Variants in CSMD1 observed in about 807,000 individuals in gnomAD.
CSMD1 encodes the protein CUB and sushi domain-containing protein 1.
In CSMD1, 213 loss-of-function variants were observed where a neutral mutation model predicts 417.5. The observed-to-expected ratio is 0.51, with a 90% CI of 0.46 to 0.57. The LOEUF (loss-of-function observed/expected upper bound fraction) is 0.57. CSMD1 is among the 20% of genes least tolerant of loss of function. The pLI is 0.00. For missense variants in CSMD1, 6,923 were observed against 4,529.7 expected (o/e 1.53, Z -15.17); for synonymous variants, 2,862 against 1,736.8 (o/e 1.65, Z -16.11).
intron 26 of CSMD1, among the ~76,000 whole-genome samples, chr8:3,274,520 C>T (rs10098276): frequency 0.27 from 41,610 of 151,856 alleles, 5,889 homozygotes; most frequent in Non-Finnish European, 0.31. Context: ...CTAAAGTTGA[C>T]AGTGGGGTGT....
chr8:3,710,037 C>T (rs566687119), intron 6 of CSMD1, among the ~76,000 whole-genome samples: 3 of 152,082 alleles, frequency 2.0e-5, no homozygotes, highest in African/African-American at 7.2e-5. Context: ...CCACTCTTGA[C>T]CAGATGCCTT....
chr8:3,622,718 T>C (rs1038118351), intron 7 of CSMD1, among the ~76,000 whole-genome samples: 6 of 152,200 alleles, frequency 3.9e-5, no homozygotes, highest in African/African-American at 1.4e-4. Flanking sequence ...TTTCGTGTGA[T>C]AAACAGTCAG....
intron 25 of CSMD1, among the ~76,000 whole-genome samples, chr8:3,303,385 G>C (rs1243035438): frequency 5.9e-5 from 9 of 152,148 alleles, no homozygotes; most frequent in Admixed American, 5.9e-4. Flanking sequence ...GAAAATCCAG[G>C]TCAGGACAGC....
intron 1 of CSMD1, among the ~76,000 whole-genome samples, chr8:4,661,641 G>A (rs951991459): frequency 6.6e-6 from 1 of 152,142 alleles, no homozygotes; most frequent in Non-Finnish European, 1.5e-5. Context: ...AGGGGAAACT[G>A]AGCAATAGAT....
intron 1 of CSMD1, among the ~76,000 whole-genome samples, chr8:4,812,844 T>C (rs1446158231): frequency 1.3e-5 from 2 of 152,228 alleles, no homozygotes; most frequent in African/African-American, 4.8e-5. Flanking sequence ...AGGGAATCTA[T>C]TGTTATTGAT....
intron 5 of CSMD1, among the ~76,000 whole-genome samples, chr8:3,914,648 C>A (rs975080150): frequency 6.6e-6 from 1 of 152,090 alleles, no homozygotes; most frequent in Non-Finnish European, 1.5e-5. Flanking sequence ...CAGATCTCCA[C>A]CTAGTCCACG....
intron 23 of CSMD1, among the ~76,000 whole-genome samples, chr8:3,338,594 G>C (rs768935892): frequency 2.0e-5 from 3 of 152,160 alleles, no homozygotes; most frequent in Non-Finnish European, 4.4e-5. Context: ...GTTGCCAAGT[G>C]CCTGGGCTCA....
In CSMD1 at chr8:3,289,396, C is replaced by T. The variant is rs542603227; in HGVS notation, c.3951-5050G>A. Among the ~76,000 whole-genome samples, 34 of 146,814 alleles carry T rather than the reference C, an allele frequency of 2.3e-4. 3 individuals are homozygous for T. The highest frequency in any genetic ancestry group is 3.0e-4 in the African/African-American group (11 of 36,786). On this transcript the variant is annotated intron_variant, in intron 25 of 69. Coordinates refer to ENST00000635120, the MANE Select transcript of CSMD1 (RefSeq NM_033225.6). ...TTCTAGTTCTAGATCCCTGAGGAAT[C>T]GCCACACTGACTTCACAATGGTTGA...
At chr8:4,054,911 C>T (rs1020265153) in intron 3 of CSMD1, among the ~76,000 whole-genome samples, 4 of 152,094 alleles carry the variant, frequency 2.6e-5, no homozygotes, top group African/African-American at 9.7e-5. Flanking sequence ...GCCCTGAGCT[C>T]TGGGGTTTCT....
At chr8:4,031,800 C>A (rs1227169092) in intron 4 of CSMD1, 105 bp downstream of exon 4, 16 of 836,850 alleles carry the variant, frequency 1.9e-5, no homozygotes, top group Non-Finnish European at 2.8e-5. Context: ...TAAGAGTCAG[C>A]TCAACATGTA....
intron 3 of CSMD1, among the ~76,000 whole-genome samples, chr8:4,366,961 G>A (rs960321942): frequency 6.6e-5 from 10 of 151,974 alleles, no homozygotes; most frequent in African/African-American, 4.8e-5. Context: ...TGTTGGATGT[G>A]TACTCTGCAA....
intron 2 of CSMD1, among the ~76,000 whole-genome samples, chr8:4,492,898 G>T (rs1585161654): frequency 6.6e-6 from 1 of 152,216 alleles, no homozygotes; most frequent in African/African-American, 2.4e-5. Flanking sequence ...ACATGGGCCT[G>T]TGCTATCAAT....
intron 1 of CSMD1, among the ~76,000 whole-genome samples, chr8:4,849,182 T>C (rs910363826): frequency 1.3e-5 from 2 of 151,874 alleles, no homozygotes; most frequent in Admixed American, 6.6e-5. Flanking sequence ...AAAAGTAAAA[T>C]AAAACAAAAT....
chr8:4,514,073 T>TTTA (rs1196616055), intron 2 of CSMD1, among the ~76,000 whole-genome samples: 1 of 152,030 alleles, frequency 6.6e-6, no homozygotes, highest in Non-Finnish European at 1.5e-5. Flanking sequence ...AAATTTTTAT[T>TTTA]TTATTATTAT....
At chr8:4,478,508 A>T (rs1344711618) in intron 2 of CSMD1, among the ~76,000 whole-genome samples, 1 of 152,202 alleles carries the variant, frequency 6.6e-6, no homozygotes, top group Non-Finnish European at 1.5e-5. Context: ...CTGAAAGTAG[A>T]TGTATAAATC....
chr8:4,001,163 C>T (rs1815642032), intron 4 of CSMD1, among the ~76,000 whole-genome samples: 1 of 152,114 alleles, frequency 6.6e-6, no homozygotes, highest in African/African-American at 2.4e-5. Context: ...TATTTATGTG[C>T]ATGGTATAGA....
rs1182652641 is a variant in CSMD1, at chr8:3,183,474, G to C, written c.5621-2260C>G. On this transcript the variant is annotated intron_variant, in intron 36 of 69. Coordinates refer to ENST00000635120, the MANE Select transcript of CSMD1 (RefSeq NM_033225.6). ...CTATCTATCCCTGAAATATCGAGTA[G>C]GTCTCTAACGTTTCTTAAAGATACC... Among the ~76,000 whole-genome samples the C allele has an allele frequency of 1.2e-4, 9 of 76,388 alleles. 1 individual carries two copies. Among genetic ancestry groups the C allele is most frequent in the Non-Finnish European group, 1.2e-4 (5 of 40,370 alleles). 50.1% of individuals were successfully genotyped at this position (76,388 alleles called of 152,430 possible). A position where few individuals can be genotyped will look rare whatever the true frequency, so the allele number is the denominator to read the frequency against.
At chr8:4,140,061 A>G (rs1011101070) in intron 3 of CSMD1, among the ~76,000 whole-genome samples, 21 of 151,104 alleles carry the variant, frequency 1.4e-4, no homozygotes, top group African/African-American at 4.5e-4. Context: ...ATTATTAAAA[A>G]TAAGACAATA....
chr8:3,463,519 A>C lies in CSMD1; in HGVS notation c.1561+5193T>G, dbSNP rs138657280. Reference sequence around the variant, plus strand: ...TCTCTTTAGGGTTTTAGAAGTCACTACTATTCTGGCAGGCACTGTCTTGTC... The same window carrying C: ...TCTCTTTAGGGTTTTAGAAGTCACTCCTATTCTGGCAGGCACTGTCTTGTC... On this transcript the variant is annotated intron_variant, in intron 12 of 69. Transcript: ENST00000635120. Among the ~76,000 whole-genome samples the C allele has an allele frequency of 9.2e-5, 14 of 152,308 alleles. No individual in the cohort carries two copies. In the East Asian group the frequency reaches 2.7e-3, roughly 29 times the overall value.
Sources: gnomAD v4.1 joint callset for allele counts (sites outside exome capture counted in the v4.1 genomes callset) on GRCh38, gnomAD v4.1.1 for gene constraint, MANE v1.5 for transcripts, NCBI Gene and HGNC (gene_info 2026-07-23, HGNC 2026-07-21) for gene names.